The following MYO1B variants were observed in gnomAD, a reference collection of about 807,000 sequenced individuals.
MYO1B encodes unconventional myosin-Ib.
Under a neutral mutation model 159.7 loss-of-function variants are expected in MYO1B, and 72 were observed. The observed-to-expected ratio is 0.45, with a 90% CI of 0.37 to 0.55. The LOEUF is 0.55. Among genes scored for constraint, MYO1B ranks in the 20% least tolerant of loss-of-function variants. MYO1B has a pLI of 0.00. For missense variants in MYO1B, 1,062 were observed against 1,364.8 expected, an observed-to-expected ratio of 0.78 and a Z score of 3.50; for synonymous variants, 468 against 473.8, an observed-to-expected ratio of 0.99 and a Z score of 0.16.
At chr2:191,419,876 A>G (rs955323173) in intron 30 of MYO1B, among the ~76,000 whole-genome samples, 1 of 152,194 alleles carries the variant, frequency 6.6e-6, no homozygotes, top group Admixed American at 6.5e-5. Context: ...TATACAAAGT[A>G]TTGTGTTTTA....
At chr2:191,288,071 T>C (rs1688484796) in intron 2 of MYO1B, among the ~76,000 whole-genome samples, 1 of 152,112 alleles carries the variant, frequency 6.6e-6, no homozygotes, top group Admixed American at 6.5e-5. Context: ...CAGTGTTCCA[T>C]TGTACGTATC....
chr2:191,400,295 C>A, intron 21 of MYO1B, 87 bp from the exon 22 acceptor site: 1 of 1,401,294 alleles, frequency 7.1e-7, no homozygotes, highest in Non-Finnish European at 1.0e-6. Flanking sequence ...GGTGTTAGGA[C>A]GATCATCTCT....
intron 1 of MYO1B, among the ~76,000 whole-genome samples, chr2:191,251,214 C>G (rs1396937967): frequency 6.6e-6 from 1 of 152,188 alleles, no homozygotes; most frequent in African/African-American, 2.4e-5. Context: ...AGATTGTCAT[C>G]TGGGAGTTTC....
At chr2:191,378,352 CTGAAA>C (rs1184065167) in intron 13 of MYO1B, among the ~76,000 whole-genome samples, 1 of 151,974 alleles carries the variant, frequency 6.6e-6, no homozygotes. Context: ...CAGGCTGAGT[CTGAAA>C]AGAGAGTCAG....
intron 3 of MYO1B, among the ~76,000 whole-genome samples, chr2:191,303,756 A>G (rs193211705): frequency 2.0e-4 from 31 of 152,296 alleles, no homozygotes; most frequent in African/African-American, 7.2e-4. Flanking sequence ...CCTTTGAGCC[A>G]TATCTAAGGC....
In MYO1B at chr2:191,383,350, C is replaced by T. The variant is rs1416928757; in HGVS notation, c.1353+8C>T. ...TGTGACCTAATAGAAAATGTGAGTACTTAGGTACAGTTTTCTAAAGAATGT... is the reference window on the plus strand; with the variant it reads ...TGTGACCTAATAGAAAATGTGAGTATTTAGGTACAGTTTTCTAAAGAATGT... On this transcript the variant is annotated splice_region_variant and intron_variant, in intron 15 of 30. Coordinates refer to ENST00000392318, the MANE Select transcript of MYO1B (RefSeq NM_001130158.3). 6.5e-7 allele frequency: 1 copy of T among 1,548,808 alleles called. No individual in the cohort carries two copies. The highest frequency in any genetic ancestry group is 1.9e-5 in the Admixed American group (1 of 52,390).
intron 3 of MYO1B, among the ~76,000 whole-genome samples, chr2:191,306,781 T>C (rs1409969903): frequency 6.6e-6 from 1 of 152,114 alleles, no homozygotes; most frequent in African/African-American, 2.4e-5. Context: ...CCCCTGGAAT[T>C]GCAATAGCCT....
intron 1 of MYO1B, among the ~76,000 whole-genome samples, chr2:191,272,345 C>A (rs1687502277): frequency 6.6e-6 from 1 of 152,144 alleles, no homozygotes; most frequent in Admixed American, 6.5e-5. Context: ...ACTGCCAAGT[C>A]CCAAAGTTTT....
intron 23 of MYO1B, chr2:191,402,327 G>A (rs1482701296): frequency 5.4e-6 from 2 of 370,156 alleles, no homozygotes; most frequent in South Asian, 2.5e-5. Flanking sequence ...TGTGGAGAAG[G>A]CAGCGAACAG....
At chr2:191,372,347 T>C (rs548498199) in intron 13 of MYO1B, among the ~76,000 whole-genome samples, 2 of 152,340 alleles carry the variant, frequency 1.3e-5, no homozygotes, top group African/African-American at 4.8e-5. Context: ...TGATGGGATA[T>C]CTAGTTAACT....
intron 4 of MYO1B, among the ~76,000 whole-genome samples, chr2:191,335,697 A>G (rs1691783775): frequency 6.6e-6 from 1 of 152,212 alleles, no homozygotes; most frequent in Non-Finnish European, 1.5e-5. Flanking sequence ...GACATATAAT[A>G]TCTCCTTTCA....
chr2:191,369,866 T>G (rs1041183622), intron 12 of MYO1B, among the ~76,000 whole-genome samples: 6 of 152,174 alleles, frequency 3.9e-5, no homozygotes, highest in African/African-American at 1.4e-4. Context: ...GGAGTTACTC[T>G]GGGAGTCGGC....
At chr2:191,258,515 C>T (rs745921523) in intron 1 of MYO1B, among the ~76,000 whole-genome samples, 65 of 152,178 alleles carry the variant, frequency 4.3e-4, no homozygotes, top group Non-Finnish European at 6.9e-4. Flanking sequence ...GTAATTGCAT[C>T]ATGACGTCAC....
intron 3 of MYO1B, among the ~76,000 whole-genome samples, chr2:191,322,214 A>C (rs1046996057): frequency 6.6e-6 from 1 of 152,160 alleles, no homozygotes; most frequent in African/African-American, 2.4e-5. Context: ...TCTTTGAAGC[A>C]AGTTTCAGAA....
intron 30 of MYO1B, 197 bp downstream of exon 30, chr2:191,416,439 G>A: frequency 1.6e-6 from 1 of 615,468 alleles, no homozygotes; most frequent in Non-Finnish European, 2.9e-6. Context: ...TAGTGGAAGA[G>A]ACCAGTATGT....
intron 1 of MYO1B, among the ~76,000 whole-genome samples, chr2:191,260,254 CTT>C (rs57237733): frequency 1.6e-5 from 1 of 60,960 alleles, no homozygotes; most frequent in Non-Finnish European, 4.0e-5. Context: ...CCCAGATAGG[CTT>C]TTTTTTTTTT....
chr2:191,416,148 T>C lies in MYO1B; in HGVS notation c.3193T>C (p.Phe1065Leu), dbSNP rs1394298626. ...SEAASKGDFL[F>L]SSDHLIEMAT... The stretch of plus-strand genomic sequence containing the variant: ...AGCAGCTAGTAAAGGAGACTTTCTC[T>C]TCAGCAGTGATCACCTGATTGAAAT... Residue 1065 changes from phenylalanine (F) to leucine (L), a missense_variant, in exon 30 of 31, where the codon TTC becomes CTC. Around this residue, in one of 5 missense-constraint regions of MYO1B, gnomAD observed 609 missense variants for 744.4 expected, o/e 0.82. Transcript: ENST00000392318. 7 of 1,614,196 alleles carry C rather than the reference T, an allele frequency of 4.3e-6. No homozygotes were observed. Among genetic ancestry groups the C allele is most frequent in the Non-Finnish European group, 5.1e-6 (6 of 1,180,020 alleles).
intron 23 of MYO1B, 58 bp downstream of exon 23, chr2:191,400,893 A>G: frequency 6.6e-7 from 1 of 1,510,716 alleles, no homozygotes; most frequent in Non-Finnish European, 9.1e-7. Flanking sequence ...ATCAGTCCTT[A>G]CCTCTAGCCT....
chr2:191,300,406 C>T (rs376000991), intron 3 of MYO1B, among the ~76,000 whole-genome samples: 14 of 150,854 alleles, frequency 9.3e-5, no homozygotes, highest in Admixed American at 2.0e-4. Flanking sequence ...TGCAATGGCG[C>T]GATCTCGGCT....
Sources: gnomAD v4.1 joint callset for allele counts (sites outside exome capture counted in the v4.1 genomes callset) on GRCh38, gnomAD v4.1.1 for gene constraint, gnomAD v4.1.1 regional missense constraint, MANE v1.5 for transcripts, NCBI Gene and HGNC (gene_info 2026-07-23, HGNC 2026-07-21) for gene names.